The following NOC2L variants were observed in gnomAD, a reference collection of about 807,000 sequenced individuals.
NOC2L encodes the protein nucleolar complex protein 2 homolog.
In NOC2L, 101 loss-of-function variants were observed where a neutral mutation model predicts 94.2. The observed-to-expected ratio is 1.07, with a 90% CI of 0.91 to 1.26. The LOEUF is 1.26. Ranked by LOEUF, NOC2L falls within the 50% of genes most tolerant of loss-of-function variation. NOC2L has a pLI of 0.00. For synonymous variants in NOC2L, 531 were observed against 413.4 expected, an observed-to-expected ratio of 1.28 and a Z score of -3.45; for missense variants, 1,076 against 980.1, an observed-to-expected ratio of 1.10 and a Z score of -1.31.
intron 15 of NOC2L, 38 bp from the exon 16 acceptor site, chr1:946,324 T>C: frequency 6.2e-7 from 1 of 1,611,576 alleles, no homozygotes; most frequent in Non-Finnish European, 8.5e-7. Context: ...TGCCTCACCC[T>C]GGGCAAACCC....
intron 2 of NOC2L, chr1:958,668 C>T: frequency 4.5e-6 from 3 of 673,036 alleles, no homozygotes; most frequent in Non-Finnish European, 5.5e-6. Flanking sequence ...GGTGATTTCA[C>T]CCAAGAACGT....
chr1:954,681 A>T (rs1430872833), intron 6 of NOC2L, among the ~76,000 whole-genome samples: 1 of 152,090 alleles, frequency 6.6e-6, no homozygotes, highest in Non-Finnish European at 1.5e-5. Flanking sequence ...AAAATATACA[A>T]AATATTATCC....
intron 17 of NOC2L, 24 bp from the exon 18 acceptor site, chr1:945,170 A>C: frequency 5.1e-6 from 8 of 1,573,702 alleles, no homozygotes; most frequent in Non-Finnish European, 6.9e-6. Flanking sequence ...AGCAGAGTCC[A>C]TATGACTCCC....
chr1:957,314 G>A lies in NOC2L; in HGVS notation c.180-41C>T, dbSNP rs1163112775. 9.4e-6 allele frequency: 15 copies of A among 1,603,194 alleles called. No homozygotes were observed. The East Asian group carries it at 3.4e-4, about 36-fold the overall frequency. ...TCAGCGACCCCAGTGGGAAGTGGAAGTAGAGGGGGCGGGGAGTGGCCTACA... is the reference window on the plus strand; with the variant it reads ...TCAGCGACCCCAGTGGGAAGTGGAAATAGAGGGGGCGGGGAGTGGCCTACA... On this transcript the variant is annotated intron_variant, in intron 2 of 18. Coordinates refer to ENST00000327044, the MANE Select transcript of NOC2L (RefSeq NM_015658.4).
chr1:952,571 G>A lies in NOC2L; in HGVS notation c.1032C>T (p.Cys344=). The change falls in exon 10 of 19, where the codon TGC becomes TGT. Residue 344 remains cysteine, a synonymous_variant. Transcript: ENST00000327044. ...GGAGGGCACCAGGCGAGGTGAACTT[G>A]CAGTTCCTCACATACGTGATGTACA... is the stretch of plus-strand genomic sequence containing the variant. The part of the protein sequence containing the change: ...KQMYITYVRN[C]KFTSPGALPF... 3 of 1,613,848 alleles carry A rather than the reference G, an allele frequency of 1.9e-6. No homozygotes were observed. Among genetic ancestry groups the A allele is most frequent in the Non-Finnish European group, 2.5e-6 (3 of 1,180,018 alleles).
Position 946,160 on chromosome 1 carries a change from C to G in NOC2L, c.1917+13G>C. On this transcript the variant is annotated intron_variant, in intron 16 of 18. Coordinates refer to ENST00000327044, the MANE Select transcript of NOC2L (RefSeq NM_015658.4). Reference sequence around the variant, plus strand: ...GTCACAACACACCCCCAGGTCCCCTCGCCGAGCCGCACCCGCTCTTTGCCA... The same window carrying G: ...GTCACAACACACCCCCAGGTCCCCTGGCCGAGCCGCACCCGCTCTTTGCCA... 6.3e-7 allele frequency: 1 copy of G among 1,590,016 alleles called. No individual in the cohort carries two copies. The highest frequency in any genetic ancestry group is 8.6e-7 in the Non-Finnish European group (1 of 1,162,946).
chr1:944,238 C>T lies in NOC2L; in HGVS notation c.*456G>A, dbSNP rs1134009. On this transcript the variant is annotated 3_prime_UTR_variant, in exon 19 of 19. Transcript: ENST00000327044. ...GGCCCTGCCTCCCACCGCTTTATTTCTTTCGGTTTCGGATGCAAAACAAAA... is the reference window on the plus strand; with the variant it reads ...GGCCCTGCCTCCCACCGCTTTATTTTTTTCGGTTTCGGATGCAAAACAAAA... The T allele has an allele frequency of 6.8e-4, 996 of 1,455,576 alleles. 12 individuals carry two copies. The African/African-American group carries it at 0.013, about 19-fold the overall frequency. 90.2% of individuals were successfully genotyped at this position (1,455,576 alleles called of 1,614,324 possible).
At chr1:946,115 C>T (rs1294117939) in intron 16 of NOC2L, 58 bp downstream of exon 16, 7 of 1,283,196 alleles carry the variant, frequency 5.5e-6, no homozygotes, top group African/African-American at 1.4e-5. Flanking sequence ...TCATAGTGCG[C>T]TAGATCTGAA....
Position 944,952 on chromosome 1 carries a change from G to A in NOC2L, c.2143+105C>T, listed in dbSNP as rs747146969. The A allele has an allele frequency of 1.6e-5, 25 of 1,558,342 alleles. No homozygotes were observed. In the East Asian group the frequency reaches 4.7e-4, roughly 30 times the overall value. ...GAGCATTTGGCCTGGCCTTCCCAGGGAGGGAAAAGCCTGGCCCAGAGCCCC... is the reference window on the plus strand; with the variant it reads ...GAGCATTTGGCCTGGCCTTCCCAGGAAGGGAAAAGCCTGGCCCAGAGCCCC... On this transcript the variant is annotated intron_variant, in intron 18 of 18. Transcript: ENST00000327044.
At chr1:955,470 A>G (rs984883442) in intron 6 of NOC2L, among the ~76,000 whole-genome samples, 2 of 152,138 alleles carry the variant, frequency 1.3e-5, no homozygotes, top group African/African-American at 2.4e-5. Context: ...TCTCTGCCCA[A>G]TCTTTCTCTA....
intron 6 of NOC2L, 155 bp from the exon 7 acceptor site, chr1:954,237 T>A: frequency 1.6e-6 from 1 of 643,798 alleles, no homozygotes; most frequent in Non-Finnish European, 2.7e-6. Flanking sequence ...CCCTTACAGC[T>A]GGACAGACAC....
At chr1:952,690 T>A in intron 9 of NOC2L, 90 bp from the exon 10 acceptor site, 1 of 1,316,170 alleles carries the variant, frequency 7.6e-7, no homozygotes. Context: ...CCTGGGCCTT[T>A]CCCTCAGAGC....
chr1:958,881 G>C, intron 2 of NOC2L, 48 bp downstream of exon 2: 1 of 1,608,494 alleles, frequency 6.2e-7, no homozygotes, highest in Non-Finnish European at 8.5e-7. Flanking sequence ...CCCAACCGGG[G>C]TGGGACAGGA....
In NOC2L at chr1:945,104, T is replaced by C. The variant is rs1222615301; in HGVS notation, c.2096A>G (p.Asp699Gly). 1 of 1,613,710 alleles carries C rather than the reference T, an allele frequency of 6.2e-7. No individual in the cohort carries two copies. Among genetic ancestry groups the C allele is most frequent in the South Asian group, 1.1e-5 (1 of 91,028 alleles). Residue 699 changes from aspartate (D) to glycine (G), a missense_variant, in exon 18 of 19, where the codon GAT (aspartate) becomes GGT (glycine). Asp to Gly is a moderately conservative substitution (Grantham distance 94). This residue lies in a region of NOC2L where 615 missense variants were observed against 577.4 expected (regional missense o/e 1.07). Transcript: ENST00000327044. ...PLSTRHGVED[D>G]EEDEEEGEED... ...CTCGCCCTCCTCCTCGTCCTCTTCATCGTCTTCCACCCCATGCCGAGTGCT... is the reference window on the plus strand; with the variant it reads ...CTCGCCCTCCTCCTCGTCCTCTTCACCGTCTTCCACCCCATGCCGAGTGCT...
rs369884550 is a variant in NOC2L, at chr1:945,537, G to T, written c.2034C>A (p.Thr678=). Residue 678 remains threonine (T), a synonymous_variant, in exon 17 of 19, where the codon ACC becomes ACA. Coordinates refer to ENST00000327044, the MANE Select transcript of NOC2L (RefSeq NM_015658.4). ...FDLNSSEEDD[T]EGFSERGILR... ...CCCCACCTCTCTCCGAGAATCCCTC[G>T]GTGTCGTCCTCTTCAGAGCTGTTCA... The T allele has an allele frequency of 1.2e-6, 2 of 1,613,802 alleles. No individual in the cohort carries two copies. The highest frequency in any genetic ancestry group is 1.7e-6 in the Non-Finnish European group (2 of 1,179,868).
chr1:949,851 G>A (rs1243538290), intron 12 of NOC2L, among the ~76,000 whole-genome samples: 1 of 152,174 alleles, frequency 6.6e-6, no homozygotes, highest in Non-Finnish European at 1.5e-5. Context: ...ACGTGCCTGG[G>A]GCTTCCATAC....
chr1:950,565 G>A (rs28535998), intron 12 of NOC2L, among the ~76,000 whole-genome samples: 285 of 151,896 alleles, frequency 1.9e-3, no homozygotes, highest in Admixed American at 3.5e-3. Context: ...ATACACACAG[G>A]TGTACACACG....
intron 12 of NOC2L, among the ~76,000 whole-genome samples, chr1:949,661 G>A (rs776727819): frequency 2.0e-5 from 3 of 152,222 alleles, no homozygotes; most frequent in Non-Finnish European, 4.4e-5. Context: ...TAGCCAAGGA[G>A]ATTGGACAAG....
chr1:950,640 T>C (rs1301997622), intron 12 of NOC2L, among the ~76,000 whole-genome samples: 1 of 148,800 alleles, frequency 6.7e-6, no homozygotes, highest in Admixed American at 6.8e-5. Context: ...CACATACAGA[T>C]GCACACATGA....
Sources: gnomAD v4.1 joint callset for allele counts (sites outside exome capture counted in the v4.1 genomes callset) on GRCh38, gnomAD v4.1.1 for gene constraint, gnomAD v4.1.1 regional missense constraint, MANE v1.5 for transcripts, NCBI Gene and HGNC (gene_info 2026-07-23, HGNC 2026-07-21) for gene names.